Variants in LRRK1 observed in about 807,000 individuals in gnomAD.
LRRK1 encodes leucine rich repeat kinase 1, also known as leucine-rich repeat serine/threonine-protein kinase 1.
A neutral mutation model predicts 209.1 loss-of-function variants in LRRK1; 113 were observed. That is an observed-to-expected ratio of 0.54 (90% confidence interval 0.46 to 0.63). LRRK1 has a LOEUF of 0.63. Ranked by LOEUF, LRRK1 falls within the 30% of genes least tolerant of loss-of-function variation. The pLI is 0.00. For missense variants in LRRK1, 2,284 were observed against 2,632.2 expected, an observed-to-expected ratio of 0.87 and a Z score of 2.89; for synonymous variants, 1,144 against 1,099.7, an observed-to-expected ratio of 1.04 and a Z score of -0.80.
chr15:101,074,117 T>TA lies in LRRK1; in HGVS notation c.*5269_*5270insA, dbSNP rs1273059986. The TA allele has an allele frequency of 2.6e-5, 4 of 152,180 alleles. No individual in the cohort carries two copies. The highest frequency in any genetic ancestry group is 5.9e-5 in the Non-Finnish European group (4 of 68,044). 9.4% of individuals were successfully genotyped at this position (152,180 alleles called of 1,614,324 possible). A position where few individuals can be genotyped will look rare whatever the true frequency, so the allele number is the denominator to read the frequency against. Reference sequence around the variant, plus strand: ...TGCAACTCATCCCAAATCTTCCTTCTTTCCCTCCCGCCTGTCTCCTCAGTC... The same window carrying TA: ...TGCAACTCATCCCAAATCTTCCTTCTATTCCCTCCCGCCTGTCTCCTCAGTC... On this transcript the variant is annotated 3_prime_UTR_variant, in exon 34 of 34. Coordinates refer to ENST00000388948, the MANE Select transcript of LRRK1 (RefSeq NM_024652.6).
chr15:100,960,932 C>T (rs8025101), intron 2 of LRRK1, among the ~76,000 whole-genome samples: 1 of 152,024 alleles, frequency 6.6e-6, no homozygotes, highest in Non-Finnish European at 1.5e-5. Context: ...CTCATGTTTT[C>T]GTTCCCACAT....
chr15:101,005,672 T>G (rs544327934), intron 6 of LRRK1, among the ~76,000 whole-genome samples: 25 of 152,330 alleles, frequency 1.6e-4, no homozygotes, highest in African/African-American at 4.8e-4. Flanking sequence ...GATCTTGTTT[T>G]GCCGGGAAGT....
intron 2 of LRRK1, among the ~76,000 whole-genome samples, chr15:100,970,713 C>T (rs1403568966): frequency 6.6e-6 from 1 of 152,128 alleles, no homozygotes; most frequent in East Asian, 1.9e-4. Context: ...TTCTATCCCG[C>T]AAAAATGACC....
intron 10 of LRRK1, among the ~76,000 whole-genome samples, chr15:101,013,979 A>G (rs1422060849): frequency 6.6e-6 from 1 of 152,100 alleles, no homozygotes; most frequent in African/African-American, 2.4e-5. Flanking sequence ...AAACCATCAG[A>G]GTCTGGCACT....
chr15:101,033,927 C>T (rs2034390517), intron 20 of LRRK1, among the ~76,000 whole-genome samples: 1 of 152,074 alleles, frequency 6.6e-6, no homozygotes, highest in Non-Finnish European at 1.5e-5. Context: ...TCACCAGCAT[C>T]TGTTATTTTT....
At chr15:101,067,439 G>A (rs1266168651) in intron 33 of LRRK1, 1 of 330,570 alleles carries the variant, frequency 3.0e-6, no homozygotes, top group African/African-American at 2.2e-5. Context: ...GTGTGTGTGT[G>A]TGTGTGTGTG....
In LRRK1 at chr15:101,074,071, CT is replaced by C. The variant is rs1301456103; in HGVS notation, c.*5224del. On this transcript the variant is annotated 3_prime_UTR_variant, in exon 34 of 34. Transcript: ENST00000388948. ...CAGGCGTTCTTTTACACATCAGTCC[CT>C]CCCTAGTCTCTGTTCCCAGTGCAAC... The C allele has an allele frequency of 5.3e-5, 8 of 152,276 alleles. No individual in the cohort carries two copies. The highest frequency in any genetic ancestry group is 1.9e-4 in the East Asian group (1 of 5,188). 9.4% of individuals were successfully genotyped at this position (152,276 alleles called of 1,614,324 possible).
At chr15:101,068,507 G>A (rs1198291145) in intron 33 of LRRK1, among the ~76,000 whole-genome samples, 164 bp from the exon 34 acceptor site, 1 of 152,184 alleles carries the variant, frequency 6.6e-6, no homozygotes, top group East Asian at 1.9e-4. Context: ...CTGGCCACTG[G>A]GGAGAAGTGG....
At chr15:101,067,612 G>A (rs2036610227) in intron 33 of LRRK1, among the ~76,000 whole-genome samples, 1 of 152,182 alleles carries the variant, frequency 6.6e-6, no homozygotes, top group Non-Finnish European at 1.5e-5. Context: ...GCAGGACAAT[G>A]ACAAGGACAT....
chr15:101,013,349 G>A (rs1424810067), intron 10 of LRRK1, among the ~76,000 whole-genome samples: 1 of 152,322 alleles, frequency 6.6e-6, no homozygotes, highest in Non-Finnish European at 1.5e-5. Flanking sequence ...TGGCCCTCCT[G>A]AGGCCGCCCT....
chr15:100,956,761 C>T (rs1157841729), intron 2 of LRRK1, among the ~76,000 whole-genome samples: 4 of 152,028 alleles, frequency 2.6e-5, no homozygotes, highest in Non-Finnish European at 5.9e-5. Context: ...CCATGACCAG[C>T]CTGATCTTTT....
chr15:100,972,363 AGTGTGTGTGT>A (rs139709615), intron 2 of LRRK1, among the ~76,000 whole-genome samples: 11 of 98,494 alleles, frequency 1.1e-4, no homozygotes, highest in Non-Finnish European at 2.1e-4. Flanking sequence ...AGAGAGAGAG[AGTGTGTGTGT>A]GTGTGTGTGT....
chr15:100,983,416 G>A, intron 3 of LRRK1, 112 bp from the exon 4 acceptor site: 1 of 1,010,706 alleles, frequency 9.9e-7, no homozygotes, highest in South Asian at 2.0e-5. Context: ...CTGCCGTTCT[G>A]GACAACACAA....
chr15:101,062,716 G>A (rs1199970602), intron 31 of LRRK1, 26 bp downstream of exon 31: 1 of 1,532,754 alleles, frequency 6.5e-7, no homozygotes, highest in Non-Finnish European at 9.0e-7. Context: ...AGGCAGGTAT[G>A]CAGGTCTCTG....
chr15:100,947,256 C>T (rs1381773509), intron 2 of LRRK1, among the ~76,000 whole-genome samples: 1 of 152,102 alleles, frequency 6.6e-6, no homozygotes, highest in Non-Finnish European at 1.5e-5. Flanking sequence ...CATGCCCAGG[C>T]TCCAGTTTTC....
Position 100,973,867 on chromosome 15 carries a change from G to A in LRRK1, c.161G>A (p.Arg54Lys). 1 of 1,288,482 alleles carries A rather than the reference G, an allele frequency of 7.8e-7. No individual in the cohort carries two copies. 79.8% of individuals were successfully genotyped at this position (1,288,482 alleles called of 1,614,324 possible). The change falls in exon 3 of 34, where the codon AGG becomes AAG. Residue 54 changes from arginine to lysine, a missense_variant. By Grantham distance (26) the Arg-to-Lys change is conservative. Coordinates refer to ENST00000388948, the MANE Select transcript of LRRK1 (RefSeq NM_024652.6). ...GGTGACCCTGCAGCGCGGTCCCGCA[G>A]GACGGAAGGCATCCGCGCCGCGTAC... The part of the protein sequence containing the change: ...RGGDPAARSR[R>K]TEGIRAAYRR...
rs777102768 is a variant in LRRK1 at position 101,062,577 on chromosome 15, C to G, written c.4801C>G (p.Gln1601Glu). The change falls in exon 31 of 34, where the codon CAG (glutamine) becomes GAG (glutamate). Residue 1601 changes from glutamine to glutamate, a missense_variant. Transcript: ENST00000388948. ...GTGGACCTGTCTGCCTCTGCAGGAC[C>G]AGAAAATCTACATCTACACCCTCAA... The part of the protein sequence containing the change: ...QRSLWTATED[Q>E]KIYIYTLKGM... 1.9e-6 allele frequency: 3 copies of G among 1,610,648 alleles called. No homozygotes were observed. Among genetic ancestry groups the G allele is most frequent in the East Asian group, 4.5e-5 (2 of 44,850 alleles).
At chr15:101,055,841 C>T (rs951838195) in intron 27 of LRRK1, among the ~76,000 whole-genome samples, 1 of 152,240 alleles carries the variant, frequency 6.6e-6, no homozygotes, top group Non-Finnish European at 1.5e-5. Context: ...GCATGTATTA[C>T]ATCTAGTGCC....
At chr15:101,045,119 G>T (rs566171331) in intron 20 of LRRK1, among the ~76,000 whole-genome samples, 1 of 152,220 alleles carries the variant, frequency 6.6e-6, no homozygotes, top group Non-Finnish European at 1.5e-5. Context: ...CGAGACTTGC[G>T]CCTGTATGCT....
Sources: allele counts gnomAD v4.1 joint callset (sites outside exome capture counted in the v4.1 genomes callset), GRCh38; gene constraint gnomAD v4.1.1; transcripts MANE v1.5; gene names NCBI Gene and HGNC (gene_info 2026-07-23, HGNC 2026-07-21).